NBPF12: variants seen among roughly 807,000 people sequenced by gnomAD.
NBPF12 encodes the protein NBPF member 12.
Under a neutral mutation model 146.4 loss-of-function variants are expected in NBPF12, and 115 were observed. The ratio of observed to expected loss-of-function variants is 0.79; its 90% CI spans 0.68 to 0.92. NBPF12 has a LOEUF of 0.92. Ranked by LOEUF, NBPF12 falls within the 40% of genes least tolerant of loss-of-function variation. The probability of loss-of-function intolerance (pLI) is 0.00; values close to 1 mark genes in which losing one functional copy is unlikely to be tolerated. For synonymous variants in NBPF12, 385 were observed against 508.9 expected (o/e 0.76, Z 3.28); for missense variants, 1,205 against 1,326.8 (o/e 0.91, Z 1.43).
Position 146,970,864 on chromosome 1 carries a change from G to C in NBPF12, c.1379+145G>C, listed in dbSNP as rs1271971261. On this transcript the variant is annotated intron_variant, in intron 12 of 33. Coordinates refer to ENST00000617844, the Ensembl canonical transcript of NBPF12. ...GAAATTCAACCCAGCTTAGACACAG[G>C]GTGTGGCAGCTGTCGTGTTTCTGTA... The C allele has an allele frequency of 6.1e-6, 6 of 986,568 alleles. No homozygotes were observed. In the South Asian group the frequency reaches 7.8e-5, roughly 13 times the overall value. 61.1% of individuals were successfully genotyped at this position (986,568 alleles called of 1,614,324 possible).
upstream of NBPF12, among the ~76,000 whole-genome samples, chr1:146,944,798 T>C (rs1297321960): frequency 0.042 from 6,317 of 149,908 alleles, 483 homozygotes; most frequent in African/African-American, 0.15. Flanking sequence ...TCCTTCCTTC[T>C]TTTCTTCCCT....
chr1:146,940,260 A>G (rs1654738682), intron 1 of NBPF12, among the ~76,000 whole-genome samples: 1 of 152,014 alleles, frequency 6.6e-6, no homozygotes, highest in African/African-American at 2.4e-5. Context: ...TTTGTGTCAA[A>G]GAAATCTTCG....
chr1:146,948,131 C>T (rs2101817832), upstream of NBPF12, among the ~76,000 whole-genome samples: 1 of 151,940 alleles, frequency 6.6e-6, no homozygotes, highest in Non-Finnish European at 1.5e-5. Context: ...CTGCCTCGGC[C>T]TCCTGAATAG....
At chr1:146,938,916 C>A (rs1164035388) in exon 1 of NBPF12, 1 of 152,080 alleles carries the variant, frequency 6.6e-6, no homozygotes, top group East Asian at 1.9e-4. Context: ...GGCCGAGGTA[C>A]GGCGGCACGG....
At chr1:146,966,495 C>A in exon 9 of NBPF12, 1 of 1,448,764 alleles carries the variant, frequency 6.9e-7, no homozygotes, top group South Asian at 1.1e-5. Context: ...CCACAAACGT[C>A]AGCATGGTGG....
At chr1:146,981,290 A>C (rs1178975327) in intron 19 of NBPF12, among the ~76,000 whole-genome samples, 1 of 107,706 alleles carries the variant, frequency 9.3e-6, no homozygotes. Flanking sequence ...AAAAAAAAAA[A>C]AAAAATATAT....
At chr1:146,971,097 C>A in intron 12 of NBPF12, 86 bp from the exon 16 acceptor site, 1 of 1,599,184 alleles carries the variant, frequency 6.3e-7, no homozygotes, top group Non-Finnish European at 8.5e-7. Flanking sequence ...CTCTTAATGC[C>A]GCTTGTCAAA....
chr1:146,984,890 C>T, exon 22 of NBPF12: 1 of 1,594,682 alleles, frequency 6.3e-7, no homozygotes. Context: ...TCAACTCCTT[C>T]AGTTTATCTT....
At chr1:146,986,584 T>G in intron 24 of NBPF12, 60 bp downstream of exon 27, 1 of 931,730 alleles carries the variant, frequency 1.1e-6, no homozygotes, top group Non-Finnish European at 1.8e-6. Flanking sequence ...AGGGGTGATA[T>G]TCCTGTTCCA....
intron 2 of NBPF12, among the ~76,000 whole-genome samples, chr1:146,959,538 AT>A (rs1189125086): frequency 1.7e-5 from 1 of 59,662 alleles, no homozygotes; most frequent in African/African-American, 6.6e-5. Context: ...AAATGATTCC[AT>A]TTTTTTATTT....
At chr1:146,965,426 TC>T (rs1334894449) in intron 8 of NBPF12, among the ~76,000 whole-genome samples, 1 of 150,034 alleles carries the variant, frequency 6.7e-6, no homozygotes, top group Non-Finnish European at 1.5e-5. Context: ...GCTGAGATGA[TC>T]CTCCCACCCT....
At position 146,950,400 on chromosome 1, in the gene NBPF12, A is replaced by G. The variant is rs1655276767; in HGVS notation, c.-325-948A>G. On this transcript the variant is annotated intron_variant, in intron 1 of 33. Coordinates refer to ENST00000617844, the Ensembl canonical transcript of NBPF12. Reference sequence around the variant, plus strand: ...TGTGAAATGATGGGACAGACATAGAATAACAACTACAGTGATTCTAGTTCA... The same window carrying G: ...TGTGAAATGATGGGACAGACATAGAGTAACAACTACAGTGATTCTAGTTCA... Among the ~76,000 whole-genome samples, 3 of 152,058 alleles carry G rather than the reference A, an allele frequency of 2.0e-5. No homozygotes were observed. In the South Asian group the frequency reaches 6.2e-4, roughly 32 times the overall value.
intron 8 of NBPF12, among the ~76,000 whole-genome samples, chr1:146,966,233 G>T (rs1161112214): frequency 3.0e-4 from 45 of 151,814 alleles, no homozygotes; most frequent in Non-Finnish European, 4.9e-4. Flanking sequence ...TTATAGAAAC[G>T]TATAAGCAAG....
At chr1:146,963,381 T>A (rs1462102863) in intron 6 of NBPF12, 72 bp downstream of exon 9, 4 of 1,522,898 alleles carry the variant, frequency 2.6e-6, no homozygotes, top group Admixed American at 1.8e-5. Context: ...CATACTTTCA[T>A]GATGACAGTT....
At chr1:146,957,549 C>T (rs1269060676) in intron 2 of NBPF12, 7,518 of 159,718 alleles carry the variant, frequency 0.047, 1,448 homozygotes, top group Non-Finnish European at 0.064. Flanking sequence ...CCTCAGCTGG[C>T]GTGATGTTGA....
chr1:146,963,419 C>G, intron 6 of NBPF12, 110 bp downstream of exon 9: 1 of 1,598,562 alleles, frequency 6.3e-7, no homozygotes, highest in Non-Finnish European at 8.5e-7. Flanking sequence ...TTCTACTACA[C>G]ATATGTGGCC....
intron 14 of NBPF12, among the ~76,000 whole-genome samples, chr1:146,973,187 C>G (rs1342360849): frequency 8.3e-6 from 1 of 119,926 alleles, no homozygotes; most frequent in Non-Finnish European, 1.7e-5. Context: ...AATTAAACTG[C>G]CATTTATTGA....
upstream of NBPF12, among the ~76,000 whole-genome samples, chr1:146,948,231 TAA>T (rs1655157052): frequency 6.7e-6 from 1 of 148,502 alleles, no homozygotes; most frequent in Non-Finnish European, 1.5e-5. Flanking sequence ...GGTTGGTCTC[TAA>T]CTCTTGACCT....
exon 8 of NBPF12, chr1:146,965,015 C>T: frequency 6.2e-7 from 1 of 1,608,540 alleles, no homozygotes; most frequent in Non-Finnish European, 8.5e-7. Flanking sequence ...ATCAAAATCA[C>T]ATTTGAGGAA....
Sources: gnomAD v4.1 joint callset for allele counts (sites outside exome capture counted in the v4.1 genomes callset) on GRCh38, gnomAD v4.1.1 for gene constraint, MANE v1.5 for transcripts, NCBI Gene and HGNC (gene_info 2026-07-23, HGNC 2026-07-21) for gene names.